COL21A1: variants seen among roughly 807,000 people sequenced by gnomAD.
COL21A1 encodes collagen type XXI alpha 1 chain.
A neutral mutation model predicts 137.9 loss-of-function variants in COL21A1; 149 were observed. The observed-to-expected ratio is 1.08, with a 90% CI of 0.95 to 1.24. COL21A1 has a LOEUF of 1.24. COL21A1 is among the 50% of genes most tolerant of loss of function. COL21A1 has a pLI of 0.00. For synonymous variants in COL21A1, 456 were observed against 391.5 expected (o/e 1.16, Z -1.95); for missense variants, 1,167 against 1,158.4 (o/e 1.01, Z -0.11).
Position 56,166,904 on chromosome 6 carries a change from A to C in COL21A1, c.1278+2T>G, listed in dbSNP as rs149344559. 227 of 1,610,878 alleles carry C rather than the reference A, an allele frequency of 1.4e-4. No homozygotes were observed. In the East Asian group the frequency reaches 4.6e-3, roughly 33 times the overall value. On this transcript the variant is annotated splice_donor_variant, in intron 7 of 29. Coordinates refer to ENST00000244728, the MANE Select transcript of COL21A1 (RefSeq NM_030820.4). LOFTEE classifies it high-confidence loss of function. ...GGGAAAAAAACAATCCCTCCTACTTACAAATCCAGGAATCTCACATGCTGT... is the reference window on the plus strand; with the variant it reads ...GGGAAAAAAACAATCCCTCCTACTTCCAAATCCAGGAATCTCACATGCTGT...
chr6:56,090,048 T>A (rs1257601586), intron 17 of COL21A1, among the ~76,000 whole-genome samples: 1 of 152,142 alleles, frequency 6.6e-6, no homozygotes, highest in African/African-American at 2.4e-5. Context: ...AAGACCATCC[T>A]GGCCAAAATG....
chr6:56,312,493 T>C (rs1357080000), intron 1 of COL21A1, among the ~76,000 whole-genome samples: 1 of 152,174 alleles, frequency 6.6e-6, no homozygotes, highest in African/African-American at 2.4e-5. Context: ...GAACATTCAG[T>C]AAATGAAAAC....
intron 19 of COL21A1, among the ~76,000 whole-genome samples, chr6:56,074,558 G>C (rs538362176): frequency 2.5e-4 from 38 of 151,450 alleles, no homozygotes; most frequent in Non-Finnish European, 4.1e-4. Context: ...TGGAGAGCTA[G>C]TAAAAGAAAA....
chr6:56,214,030 A>G (rs747990370), intron 1 of COL21A1, among the ~76,000 whole-genome samples: 1 of 152,162 alleles, frequency 6.6e-6, no homozygotes, highest in Non-Finnish European at 1.5e-5. Context: ...GCCATTGTCT[A>G]TCTCCCTAAA....
At chr6:56,263,969 A>C (rs953548097) in intron 1 of COL21A1, among the ~76,000 whole-genome samples, 1 of 150,622 alleles carries the variant, frequency 6.6e-6, no homozygotes, top group Non-Finnish European at 1.5e-5. Flanking sequence ...CTCATACACA[A>C]ACACACACAC....
At chr6:56,077,291 T>C (rs1464993205) in intron 18 of COL21A1, among the ~76,000 whole-genome samples, 7 of 151,140 alleles carry the variant, frequency 4.6e-5, no homozygotes, top group Non-Finnish European at 1.0e-4. Flanking sequence ...GAGAACAAAG[T>C]TGAAAAGTAA....
At chr6:56,126,263 C>A in intron 12 of COL21A1, 114 bp from the exon 13 acceptor site, 1 of 649,154 alleles carries the variant, frequency 1.5e-6, no homozygotes, top group Non-Finnish European at 2.7e-6. Context: ...TATCTGCAAA[C>A]AGTTAATTTC....
At chr6:56,351,935 A>G (rs1044362675) in intron 1 of COL21A1, among the ~76,000 whole-genome samples, 3 of 152,188 alleles carry the variant, frequency 2.0e-5, no homozygotes, top group Admixed American at 2.0e-4. Context: ...CACAAAATTT[A>G]AAAGATAGGG....
At chr6:56,306,205 T>C (rs1160669621) in intron 1 of COL21A1, among the ~76,000 whole-genome samples, 1 of 141,798 alleles carries the variant, frequency 7.1e-6, no homozygotes, top group Non-Finnish European at 1.5e-5. Flanking sequence ...GACAATTATG[T>C]GTCTTGGAGT....
chr6:56,385,522 T>TA, intron 1 of COL21A1, among the ~76,000 whole-genome samples: 1 of 152,302 alleles, frequency 6.6e-6, no homozygotes, highest in South Asian at 2.1e-4. Flanking sequence ...TCTTTTTTTT[T>TA]AGTCTTCCTC....
At chr6:56,384,236 G>A (rs1053173217) in intron 1 of COL21A1, among the ~76,000 whole-genome samples, 7 of 152,084 alleles carry the variant, frequency 4.6e-5, no homozygotes, top group African/African-American at 1.7e-4. Flanking sequence ...ACCATGAGTG[G>A]GGTACAGTAC....
intron 3 of COL21A1, among the ~76,000 whole-genome samples, chr6:56,174,733 A>G (rs1777321935): frequency 6.6e-6 from 1 of 152,140 alleles, no homozygotes; most frequent in African/African-American, 2.4e-5. Context: ...CCAGACATTT[A>G]AAGAAGAATT....
At chr6:56,299,546 T>C (rs1000208117) in intron 1 of COL21A1, among the ~76,000 whole-genome samples, 1 of 152,102 alleles carries the variant, frequency 6.6e-6, no homozygotes, top group African/African-American at 2.4e-5. Flanking sequence ...ATATATTTAA[T>C]ATATTGAGAA....
chr6:56,338,442 C>A (rs1336767966), intron 1 of COL21A1, among the ~76,000 whole-genome samples: 2 of 152,132 alleles, frequency 1.3e-5, no homozygotes, highest in Non-Finnish European at 2.9e-5. Context: ...TCCACCCTGA[C>A]CCTTTCTGAG....
At chr6:56,166,825 C>T (rs975997814) in intron 7 of COL21A1, 81 bp downstream of exon 7, 25 of 1,011,948 alleles carry the variant, frequency 2.5e-5, no homozygotes, top group Non-Finnish European at 3.8e-5. Context: ...TAAATTAATA[C>T]TCAGATAGTA....
chr6:56,220,719 G>A (rs140361075), intron 1 of COL21A1, among the ~76,000 whole-genome samples: 9 of 152,186 alleles, frequency 5.9e-5, no homozygotes, highest in Admixed American at 2.6e-4. Flanking sequence ...CTTCTTCATT[G>A]TCATACTTTG....
intron 2 of COL21A1, among the ~76,000 whole-genome samples, chr6:56,181,079 T>C (rs1247512310): frequency 6.6e-6 from 1 of 152,192 alleles, no homozygotes; most frequent in Admixed American, 6.5e-5. Flanking sequence ...CCTAAATTTA[T>C]AGCAGTCAAG....
chr6:56,219,113 A>G (rs1391931581), intron 1 of COL21A1, among the ~76,000 whole-genome samples: 1 of 151,210 alleles, frequency 6.6e-6, no homozygotes, highest in African/African-American at 2.4e-5. Flanking sequence ...AAACTGTAAC[A>G]TGCAATGAAA....
At chr6:56,128,003 A>T (rs1224611872) in intron 12 of COL21A1, among the ~76,000 whole-genome samples, 1 of 152,174 alleles carries the variant, frequency 6.6e-6, no homozygotes, top group African/African-American at 2.4e-5. Context: ...CGTCACATAA[A>T]CAGGCTCCTC....
Sources: gnomAD v4.1 joint callset for allele counts (sites outside exome capture counted in the v4.1 genomes callset) on GRCh38, gnomAD v4.1.1 for gene constraint, MANE v1.5 for transcripts, NCBI Gene and HGNC (gene_info 2026-07-23, HGNC 2026-07-21) for gene names.